Variants in TRIM29 observed in about 807,000 individuals in gnomAD.
TRIM29 encodes tripartite motif containing 29, also known as tripartite motif-containing protein 29.
In TRIM29, 52 loss-of-function variants were observed where a neutral mutation model predicts 57.3. The ratio of observed to expected loss-of-function variants is 0.91; its 90% CI spans 0.73 to 1.14. The LOEUF is 1.14. Among genes scored for constraint, TRIM29 ranks in the 50% most tolerant of loss-of-function variants. The pLI, the probability that TRIM29 is intolerant of heterozygous loss-of-function variation, is 0.00. For missense variants in TRIM29, 753 were observed against 774.6 expected, an observed-to-expected ratio of 0.97 and a Z score of 0.33; for synonymous variants, 319 against 316.9, an observed-to-expected ratio of 1.01 and a Z score of -0.07.
chr11:120,125,075 C>G (rs1591325302), intron 4 of TRIM29: 1 of 152,594 alleles, frequency 6.6e-6, no homozygotes, highest in South Asian at 2.1e-4. Flanking sequence ...CAGAGGTTTT[C>G]TGTGAGATGA....
At chr11:120,122,734 C>G (rs1863489212) in intron 5 of TRIM29, among the ~76,000 whole-genome samples, 1 of 152,192 alleles carries the variant, frequency 6.6e-6, no homozygotes, top group Non-Finnish European at 1.5e-5. Context: ...GAGCTGGCAC[C>G]AGGTAACTTC....
intron 8 of TRIM29, 126 bp from the exon 9 acceptor site, chr11:120,112,602 T>C (rs1863162448): frequency 1.0e-6 from 1 of 953,360 alleles, no homozygotes; most frequent in Admixed American, 2.4e-5. Context: ...TAGGGGCCTT[T>C]TTGGCCTGAT....
Position 120,125,930 on chromosome 11 carries a change from A to G in TRIM29, c.1135-41T>C, listed in dbSNP as rs766002942. ...AGAACCATTAACTGCCTGGGTCTTCATGAGCTATGAGGACGCTTCTCTGCC... is the reference window on the plus strand; with the variant it reads ...AGAACCATTAACTGCCTGGGTCTTCGTGAGCTATGAGGACGCTTCTCTGCC... On this transcript the variant is annotated intron_variant, in intron 3 of 8. Coordinates refer to ENST00000341846, the MANE Select transcript of TRIM29 (RefSeq NM_012101.4). The G allele has an allele frequency of 5.0e-6, 8 of 1,594,118 alleles. No homozygotes were observed. In the African/African-American group the frequency reaches 9.4e-5, roughly 19 times the overall value.
intron 3 of TRIM29, 177 bp from the exon 4 acceptor site, chr11:120,126,066 G>A: frequency 3.1e-6 from 2 of 642,324 alleles, no homozygotes; most frequent in Non-Finnish European, 5.3e-6. Flanking sequence ...GCCACTGGAT[G>A]CTAACATCCC....
intron 7 of TRIM29, 129 bp downstream of exon 7, chr11:120,118,094 T>C (rs930543568): frequency 5.8e-6 from 5 of 857,056 alleles, no homozygotes; most frequent in South Asian, 3.0e-5. Flanking sequence ...GCTCCCGGGC[T>C]CTCAGGCCAG....
chr11:120,137,708 C>A lies in TRIM29; in HGVS notation c.324G>T (p.Gly108=), dbSNP rs1409097946. The A allele has an allele frequency of 6.2e-7, 1 of 1,613,084 alleles. No individual in the cohort carries two copies. The highest frequency in any genetic ancestry group is 8.5e-7 in the Non-Finnish European group (1 of 1,180,006). Residue 108 remains glycine (G), a synonymous_variant, in exon 1 of 9, where the codon GGG becomes GGT. Coordinates refer to ENST00000341846, the MANE Select transcript of TRIM29 (RefSeq NM_012101.4). This position sits in a 1 kb window ranked among gnomAD's most constrained non-coding sequence, Gnocchi z 6.2. ...GCTTCTTGGCAGCCCCCAGCTGGAG[C>A]CCTGCGTACGGCGACCTCTTGCCTT... ...SMEGKRSPYA[G]LQLGAAKKPP... is the part of the protein sequence containing the mutation.
chr11:120,137,270 A>T lies in TRIM29; in HGVS notation c.762T>A (p.Asn254Lys). Residue 254 changes from asparagine (N) to lysine (K), a missense_variant, in exon 1 of 9, where the codon AAT becomes AAA. Physicochemically the swap from Asn to Lys is moderately conservative, Grantham distance 94 (BLOSUM62 0). Transcript: ENST00000341846. This position sits in a 1 kb window ranked among gnomAD's most constrained non-coding sequence, Gnocchi z 6.2. ...CCTCCTCCACTGTCACGGTGCTATGATTCTTGTGCTCCTGGAACATGCAAA... is the reference window on the plus strand; with the variant it reads ...CCTCCTCCACTGTCACGGTGCTATGTTTCTTGTGCTCCTGGAACATGCAAA... ...CYLCMFQEHK[N>K]HSTVTVEEAK... 5 of 1,614,106 alleles carry T rather than the reference A, an allele frequency of 3.1e-6. No homozygotes were observed. Among genetic ancestry groups the T allele is most frequent in the Non-Finnish European group, 4.2e-6 (5 of 1,180,006 alleles).
Position 120,137,639 on chromosome 11 carries a change from A to G in TRIM29, c.393T>C (p.Ile131=). Residue 131 remains isoleucine (I), a synonymous_variant, in exon 1 of 9, where the codon ATT becomes ATC. Transcript: ENST00000341846. The surrounding 1 kb of genome is among the most constrained non-coding windows in gnomAD (Gnocchi z 6.2). The part of the protein sequence containing the change: ...FAEKGELRKS[I]FSESRKPTVS... ...CCGTGGGCTTCCGGGACTCCGAGAA[A>G]ATGGACTTGCGCAGCTCGCCCTTTT... 6.2e-7 allele frequency: 1 copy of G among 1,613,674 alleles called. No individual in the cohort carries two copies. The highest frequency in any genetic ancestry group is 8.5e-7 in the Non-Finnish European group (1 of 1,179,986).
Position 120,128,386 on chromosome 11 carries a change from TG to T in TRIM29, c.900+13del, listed in dbSNP as rs1565319215. Reference sequence around the variant, plus strand: ...GGGTAAGGGAGCAGCAAGGTGAGCTTGGGGGCTGCTCACCTTGATGCGGTCC... The same window carrying T: ...GGGTAAGGGAGCAGCAAGGTGAGCTTGGGGCTGCTCACCTTGATGCGGTCC... On this transcript the variant is annotated intron_variant, in intron 2 of 8. Coordinates refer to ENST00000341846, the MANE Select transcript of TRIM29 (RefSeq NM_012101.4). 6.2e-7 allele frequency: 1 copy of T among 1,608,844 alleles called. No individual in the cohort carries two copies. Among genetic ancestry groups the T allele is most frequent in the Non-Finnish European group, 8.5e-7 (1 of 1,178,488 alleles).
Position 120,112,318 on chromosome 11 carries a change from C to T in TRIM29, c.*96G>A. ...AGAGGGCAGGTGCAGGACCAGGCTC[C>T]CTCCCACCCAGACAAGCACAGTAGC... On this transcript the variant is annotated 3_prime_UTR_variant, in exon 9 of 9. Coordinates refer to ENST00000341846, the MANE Select transcript of TRIM29 (RefSeq NM_012101.4). 1.3e-6 allele frequency: 2 copies of T among 1,488,306 alleles called. No individual in the cohort carries two copies. Among genetic ancestry groups the T allele is most frequent in the Non-Finnish European group, 1.9e-6 (2 of 1,077,526 alleles). The allele number at this position is 1,488,306 out of a possible 1,614,324, so 92.2% of individuals were successfully genotyped here.
At chr11:120,123,185 C>G (rs1034190467) in intron 4 of TRIM29, 130 bp from the exon 5 acceptor site, 6 of 644,288 alleles carry the variant, frequency 9.3e-6, no homozygotes, top group Non-Finnish European at 1.6e-5. Context: ...CCAAGTTTCC[C>G]CAACCTCTCA....
intron 3 of TRIM29, among the ~76,000 whole-genome samples, chr11:120,126,652 C>A (rs1309720984): frequency 6.6e-6 from 1 of 152,178 alleles, no homozygotes; most frequent in African/African-American, 2.4e-5. Context: ...TCCTAACCGG[C>A]CTCCAAGACC....
rs1302014051 is a variant in TRIM29 at position 120,127,509 on chromosome 11, G to T, written c.961C>A (p.Leu321Met). The T allele has an allele frequency of 6.2e-7, 1 of 1,614,204 alleles. No homozygotes were observed. The highest frequency in any genetic ancestry group is 1.6e-4 in the Middle Eastern group (1 of 6,062). The change falls in exon 3 of 9, where the codon CTG becomes ATG. Residue 321 changes from leucine to methionine, a missense_variant. By Grantham distance (15) the Leu-to-Met change is conservative. Coordinates refer to ENST00000341846, the MANE Select transcript of TRIM29 (RefSeq NM_012101.4). ...CTCACTTCCTCCTTTTGCTTCTCCA[G>T]GTCCCGCACCAGGTCCCGGAAGTTC... Reference protein sequence around the residue: ...EQNFRDLVRDLEKQKEEVRAA... With the variant: ...EQNFRDLVRDMEKQKEEVRAA...
intron 8 of TRIM29, chr11:120,113,642 C>T (rs1344409662): frequency 2.2e-6 from 1 of 456,244 alleles, no homozygotes; most frequent in East Asian, 6.9e-5. Context: ...ATGCTCAGAC[C>T]TTGCTTAAAC....
rs1004725516 is a variant in TRIM29, at chr11:120,112,245, G to T, written c.*169C>A. On this transcript the variant is annotated 3_prime_UTR_variant, in exon 9 of 9. Coordinates refer to ENST00000341846, the MANE Select transcript of TRIM29 (RefSeq NM_012101.4). ...GTCTGAATGGAGTGTGGCCAGTGGG[G>T]AAGTCGGAGAGGCCGGAACTGCCCC... 1.6e-6 allele frequency: 1 copy of T among 643,844 alleles called. No individual in the cohort carries two copies. The allele number at this position is 643,844 out of a possible 1,614,324, so 39.9% of individuals were successfully genotyped here.
At chr11:120,135,463 G>A (rs1257930887) in intron 1 of TRIM29, among the ~76,000 whole-genome samples, 2 of 152,074 alleles carry the variant, frequency 1.3e-5, no homozygotes, top group Non-Finnish European at 2.9e-5. Context: ...ACTGGAACTC[G>A]GTCACATTTC....
intron 3 of TRIM29, among the ~76,000 whole-genome samples, chr11:120,126,704 C>A (rs1295330015): frequency 6.6e-6 from 1 of 152,260 alleles, no homozygotes; most frequent in Non-Finnish European, 1.5e-5. Context: ...TCTTAGCTTC[C>A]TCCAGCCCAC....
At chr11:120,135,406 A>C (rs1373175744) in intron 1 of TRIM29, among the ~76,000 whole-genome samples, 2 of 152,146 alleles carry the variant, frequency 1.3e-5, no homozygotes, top group African/African-American at 4.8e-5. Context: ...CTGAGCGTGG[A>C]AAGGACTTAT....
chr11:120,130,381 G>C (rs1196696131), intron 1 of TRIM29, among the ~76,000 whole-genome samples: 2 of 152,194 alleles, frequency 1.3e-5, no homozygotes, highest in Non-Finnish European at 2.9e-5. Flanking sequence ...CCGAGGACAA[G>C]GTCTGATGGA....
Sources: allele counts gnomAD v4.1 joint callset (sites outside exome capture counted in the v4.1 genomes callset), GRCh38; gene constraint gnomAD v4.1.1; non-coding constraint Gnocchi (gnomAD v3.1); transcripts MANE v1.5; gene names NCBI Gene and HGNC (gene_info 2026-07-23, HGNC 2026-07-21).